The following ARID1B variants were observed in gnomAD, a reference collection of about 807,000 sequenced individuals.
ARID1B encodes AT-rich interaction domain 1B.
Under a neutral mutation model 212.3 loss-of-function variants are expected in ARID1B, and 30 were observed. The observed-to-expected ratio is 0.14, with a 90% CI of 0.11 to 0.19. The LOEUF is 0.19. ARID1B is among the 10% of genes least tolerant of loss of function. ARID1B has a pLI of 1.00. For synonymous variants in ARID1B, 1,402 were observed against 1,301.7 expected (o/e 1.08, Z -1.66); for missense variants, 2,891 against 3,204.0 (o/e 0.90, Z 2.36).
chr6:157,072,163 C>T (rs1295804887), intron 4 of ARID1B: 1 of 152,190 alleles, frequency 6.6e-6, no homozygotes, highest in Non-Finnish European at 1.5e-5. Context: ...TACTGCTATT[C>T]ATCTGTTTCC....
chr6:156,779,205 C>G lies in ARID1B; in HGVS notation c.1525C>G (p.Pro509Ala). 1 of 1,329,860 alleles carries G rather than the reference C, an allele frequency of 7.5e-7. No homozygotes were observed. Among genetic ancestry groups the G allele is most frequent in the Non-Finnish European group, 9.7e-7 (1 of 1,031,618 alleles). The allele number at this position is 1,329,860 out of a possible 1,614,324, so 82.4% of individuals were successfully genotyped here. Residue 509 changes from proline (P) to alanine (A), a missense_variant, in exon 1 of 20, where the codon CCC becomes GCC. Transcript: ENST00000636930. ...TPTLNQLLTS[P>A]SPMMRSYGGS... ...GACCCTCAATCAGCTGCTCACCTCG[C>G]CCAGCCCCATGATGCGGAGCTACGG...
intron 7 of ARID1B, among the ~76,000 whole-genome samples, chr6:157,139,504 G>T (rs1436629016): frequency 6.6e-6 from 1 of 152,128 alleles, no homozygotes; most frequent in Non-Finnish European, 1.5e-5. Flanking sequence ...TCCCTGGCCC[G>T]CCTGCAGGGG....
chr6:157,106,311 C>G (rs760566501), intron 5 of ARID1B, among the ~76,000 whole-genome samples: 6 of 152,176 alleles, frequency 3.9e-5, no homozygotes, highest in Non-Finnish European at 7.3e-5. Flanking sequence ...AGAGTTCAGG[C>G]ACCTCTTAGC....
chr6:157,143,942 T>C (rs909631316), intron 7 of ARID1B, among the ~76,000 whole-genome samples: 1 of 152,248 alleles, frequency 6.6e-6, no homozygotes, highest in Non-Finnish European at 1.5e-5. Context: ...ACCCCTGGCC[T>C]AAGCGCCTTT....
intron 4 of ARID1B, among the ~76,000 whole-genome samples, chr6:157,067,288 A>G (rs1159956348): frequency 6.6e-6 from 1 of 152,204 alleles, no homozygotes; most frequent in African/African-American, 2.4e-5. Flanking sequence ...CATGCTCCTA[A>G]CCACGAAGCT....
chr6:157,068,194 A>G (rs1013669334), intron 4 of ARID1B, among the ~76,000 whole-genome samples: 1 of 152,226 alleles, frequency 6.6e-6, no homozygotes, highest in Non-Finnish European at 1.5e-5. Context: ...AATTCGAGCA[A>G]AATTATTAGC....
At chr6:157,141,204 G>C (rs1789323905) in intron 7 of ARID1B, 1 of 152,212 alleles carries the variant, frequency 6.6e-6, no homozygotes, top group South Asian at 2.1e-4. Context: ...CTGTTTCTGT[G>C]CTTCCATATT....
chr6:156,791,815 G>T (rs1003770536), intron 1 of ARID1B, among the ~76,000 whole-genome samples: 19 of 152,180 alleles, frequency 1.2e-4, no homozygotes, highest in Middle Eastern at 3.2e-3. Context: ...AGAGATAAAT[G>T]TAGGAATTCT....
At chr6:157,176,503 C>T (rs1792112003) in intron 11 of ARID1B, among the ~76,000 whole-genome samples, 1 of 151,872 alleles carries the variant, frequency 6.6e-6, no homozygotes, top group African/African-American at 2.4e-5. Context: ...GTGTGTTGGC[C>T]CAGAGGGAGA....
At chr6:157,036,822 C>T (rs1781362181) in intron 4 of ARID1B, 1 of 496,818 alleles carries the variant, frequency 2.0e-6, no homozygotes. Flanking sequence ...TATGTTTTTC[C>T]TTATGATTTC....
chr6:157,059,999 T>C (rs1783238864), intron 4 of ARID1B, among the ~76,000 whole-genome samples: 1 of 152,222 alleles, frequency 6.6e-6, no homozygotes, highest in Non-Finnish European at 1.5e-5. Flanking sequence ...AGAGGAAGTG[T>C]ATTGTTCCTG....
At chr6:156,803,993 AG>A (rs1220696940) in intron 1 of ARID1B, among the ~76,000 whole-genome samples, 1 of 152,192 alleles carries the variant, frequency 6.6e-6, no homozygotes, top group East Asian at 1.9e-4. Flanking sequence ...CAGAGGTAAT[AG>A]TAGTTGTAAC....
intron 5 of ARID1B, among the ~76,000 whole-genome samples, chr6:157,090,595 C>T (rs1189990600): frequency 1.3e-5 from 2 of 152,218 alleles, no homozygotes; most frequent in African/African-American, 4.8e-5. Context: ...TAATCAAAGG[C>T]AACATCATCT....
In ARID1B at chr6:157,155,637, A is replaced by G. The variant is rs980276943; in HGVS notation, c.3089+6686A>G. 3.9e-5 allele frequency among the ~76,000 whole-genome samples: 6 copies of G among 152,204 alleles called. No individual in the cohort carries two copies. The South Asian group carries it at 6.2e-4, about 16-fold the overall frequency. ...CTAGGGTCACTGAAATTAGCTTTCAAATGTTTTGTGTTGAGTCCATTAGGA... is the reference window on the plus strand; with the variant it reads ...CTAGGGTCACTGAAATTAGCTTTCAGATGTTTTGTGTTGAGTCCATTAGGA... On this transcript the variant is annotated intron_variant, in intron 8 of 19. Coordinates refer to ENST00000636930, the MANE Select transcript of ARID1B (RefSeq NM_001374828.1).
At chr6:156,925,052 A>C (rs1012675140) in intron 3 of ARID1B, among the ~76,000 whole-genome samples, 1 of 152,158 alleles carries the variant, frequency 6.6e-6, no homozygotes, top group African/African-American at 2.4e-5. Flanking sequence ...AAGAAGGCAA[A>C]TTTAAAAGCT....
chr6:157,080,964 C>T (rs1005243346), intron 4 of ARID1B, among the ~76,000 whole-genome samples: 2 of 152,184 alleles, frequency 1.3e-5, no homozygotes, highest in African/African-American at 4.8e-5. Context: ...ATGTCAGTTA[C>T]TGAAAACCCA....
intron 4 of ARID1B, among the ~76,000 whole-genome samples, chr6:156,968,054 T>A (rs1562517727): frequency 6.6e-6 from 1 of 152,244 alleles, no homozygotes. Context: ...CCGGTCCCTG[T>A]CTGCAGTCTC....
At chr6:156,992,603 G>A (rs1778334148) in intron 4 of ARID1B, among the ~76,000 whole-genome samples, 1 of 152,226 alleles carries the variant, frequency 6.6e-6, no homozygotes, top group African/African-American at 2.4e-5. Context: ...CGTAGGTTTT[G>A]GAGCGGGAGG....
intron 7 of ARID1B, among the ~76,000 whole-genome samples, chr6:157,144,284 T>C (rs1789569995): frequency 6.6e-6 from 1 of 152,220 alleles, no homozygotes; most frequent in Admixed American, 6.5e-5. Context: ...CTTCTTTCTC[T>C]AATAAAACCG....
Sources: allele counts gnomAD v4.1 joint callset (sites outside exome capture counted in the v4.1 genomes callset), GRCh38; gene constraint gnomAD v4.1.1; transcripts MANE v1.5; gene names NCBI Gene and HGNC (gene_info 2026-07-23, HGNC 2026-07-21).